Variants in VWA3B observed in about 807,000 individuals in gnomAD.
VWA3B encodes the protein von Willebrand factor A domain containing 3B, also known as von Willebrand factor A domain-containing protein 3B.
Under a neutral mutation model 158.3 loss-of-function variants are expected in VWA3B, and 138 were observed. The observed-to-expected ratio is 0.87, with a 90% CI of 0.76 to 1.00. The LOEUF (loss-of-function observed/expected upper bound fraction) is 1.00, where lower values mean the gene tolerates loss of function less well. Ranked by LOEUF, VWA3B falls within the 50% of genes least tolerant of loss-of-function variation. VWA3B has a pLI of 0.00. For synonymous variants in VWA3B, 596 were observed against 587.3 expected (o/e 1.01, Z -0.21); for missense variants, 1,555 against 1,565.1 (o/e 0.99, Z 0.11).
chr2:98,295,186 G>A (rs965932972), intron 23 of VWA3B, among the ~76,000 whole-genome samples: 1 of 152,090 alleles, frequency 6.6e-6, no homozygotes, highest in Non-Finnish European at 1.5e-5. Context: ...TGACACTGCC[G>A]AGGAGTGGGC....
intron 12 of VWA3B, among the ~76,000 whole-genome samples, chr2:98,194,735 C>T (rs1574046840): frequency 6.6e-6 from 1 of 152,274 alleles, no homozygotes; most frequent in East Asian, 1.9e-4. Context: ...CAGCTCTGCC[C>T]TTGGCTCAGG....
the VWA3B span, among the ~76,000 whole-genome samples, chr2:98,325,509 T>C: frequency 6.6e-6 from 1 of 152,188 alleles, no homozygotes; most frequent in Admixed American, 6.5e-5. Flanking sequence ...ATCAGAAGAA[T>C]TGCACTGTAA....
intron 13 of VWA3B, 21 bp from the exon 14 acceptor site, chr2:98,217,825 C>A: frequency 6.4e-7 from 1 of 1,559,652 alleles, no homozygotes; most frequent in Non-Finnish European, 8.6e-7. Context: ...CTTCCCCCAT[C>A]CCCAAAACTT....
At chr2:98,139,012 C>T (rs1026418198) in intron 7 of VWA3B, among the ~76,000 whole-genome samples, 9 of 152,184 alleles carry the variant, frequency 5.9e-5, no homozygotes, top group South Asian at 4.1e-4. Context: ...GGGAGAGGCA[C>T]GAGCGGGAGC....
intron 7 of VWA3B, among the ~76,000 whole-genome samples, chr2:98,134,452 G>A (rs1676111693): frequency 6.6e-6 from 1 of 152,224 alleles, no homozygotes; most frequent in African/African-American, 2.4e-5. Context: ...AGAACTTAAT[G>A]AGCACAGAGA....
chr2:98,214,176 G>T lies in VWA3B; in HGVS notation c.1836+2148G>T, dbSNP rs549129614. Reference sequence around the variant, plus strand: ...ACTGCACTCCAGCCTGGGCAACAGAGCGAGTCCCTGTCTCTAAGAAAAAAA... The same window carrying T: ...ACTGCACTCCAGCCTGGGCAACAGATCGAGTCCCTGTCTCTAAGAAAAAAA... On this transcript the variant is annotated intron_variant, in intron 13 of 27. Transcript: ENST00000477737. Among the ~76,000 whole-genome samples the T allele has an allele frequency of 4.6e-5, 7 of 151,212 alleles. No homozygotes were observed. In the East Asian group the frequency reaches 1.4e-3, roughly 29 times the overall value.
chr2:98,195,458 A>G (rs1419364615), intron 12 of VWA3B, among the ~76,000 whole-genome samples: 30 of 152,228 alleles, frequency 2.0e-4, no homozygotes, highest in South Asian at 4.1e-4. Context: ...TCTATAAGAA[A>G]TAATAATGCC....
chr2:98,149,716 C>T (rs1245980508), intron 7 of VWA3B, among the ~76,000 whole-genome samples: 1 of 152,148 alleles, frequency 6.6e-6, no homozygotes, highest in Non-Finnish European at 1.5e-5. Flanking sequence ...TTGGGGTTTC[C>T]TTTTGATTTA....
chr2:98,145,734 T>A (rs951086794), intron 7 of VWA3B, among the ~76,000 whole-genome samples: 1 of 152,130 alleles, frequency 6.6e-6, no homozygotes, highest in African/African-American at 2.4e-5. Flanking sequence ...AGTGTTTTTT[T>A]TTTGAGACAG....
At position 98,093,186 on chromosome 2, in the gene VWA3B, A is replaced by C. The variant is rs1310932548; in HGVS notation, c.94A>C (p.Ser32Arg). 6.2e-7 allele frequency: 1 copy of C among 1,614,204 alleles called. No individual in the cohort carries two copies. Among genetic ancestry groups the C allele is most frequent in the Non-Finnish European group, 8.5e-7 (1 of 1,180,030 alleles). The change falls in exon 2 of 28, where the codon AGT becomes CGT. Residue 32 changes from serine to arginine, a missense_variant. Transcript: ENST00000477737. The stretch of plus-strand genomic sequence containing the variant: ...CACCAAAACAGACTTGGCTGAGCAG[A>C]GTCTCATTTCATCTGAGAAATGGCT... The part of the protein sequence containing the change: ...INTKTDLAEQ[S>R]LISSEKWLQL...
At chr2:98,259,389 T>C (rs965738788) in intron 21 of VWA3B, among the ~76,000 whole-genome samples, 20 of 151,840 alleles carry the variant, frequency 1.3e-4, no homozygotes, top group Non-Finnish European at 1.9e-4. Context: ...AATTTCCCTT[T>C]GTTGGGGGAT....
rs1488497930 is a variant in VWA3B at position 98,093,099 on chromosome 2, A to G, written c.7A>G (p.Lys3Glu). The G allele has an allele frequency of 1.2e-6, 2 of 1,613,302 alleles. No individual in the cohort carries two copies. The highest frequency in any genetic ancestry group is 1.7e-6 in the Non-Finnish European group (2 of 1,179,462). MEKSGPSSTISEQ... is the reference protein window; with the variant it reads MEESGPSSTISEQ... Reference sequence around the variant, plus strand: ...CTTAGATCTTGATTCAGAGATGGAGAAATCAGGCCCATCTTCTACCATCTC... The same window carrying G: ...CTTAGATCTTGATTCAGAGATGGAGGAATCAGGCCCATCTTCTACCATCTC... The change falls in exon 2 of 28, where the codon AAA becomes GAA. Residue 3 changes from lysine to glutamate, a missense_variant. Coordinates refer to ENST00000477737, the MANE Select transcript of VWA3B (RefSeq NM_144992.5).
Position 98,200,500 on chromosome 2 carries a change from G to A in VWA3B, c.1737+6008G>A, listed in dbSNP as rs569368613. Reference sequence around the variant, plus strand: ...GGAGATTGCAGTGAGCTGAGACGACGCCACTGCACTCCAGCCTAGGTGATA... The same window carrying A: ...GGAGATTGCAGTGAGCTGAGACGACACCACTGCACTCCAGCCTAGGTGATA... On this transcript the variant is annotated intron_variant, in intron 12 of 27. Transcript: ENST00000477737. 1.2e-4 allele frequency among the ~76,000 whole-genome samples: 17 copies of A among 142,370 alleles called. No individual in the cohort carries two copies. The South Asian group carries it at 3.4e-3, about 28-fold the overall frequency. 93.4% of individuals were successfully genotyped at this position (142,370 alleles called of 152,430 possible).
At chr2:98,271,455 T>G (rs866916775) in intron 22 of VWA3B, among the ~76,000 whole-genome samples, 1 of 152,194 alleles carries the variant, frequency 6.6e-6, no homozygotes, top group East Asian at 1.9e-4. Context: ...TCCTTTTAGT[T>G]TTTTTTCTCC....
the VWA3B span, among the ~76,000 whole-genome samples, chr2:98,329,119 A>G: frequency 6.6e-6 from 1 of 152,248 alleles, no homozygotes; most frequent in Non-Finnish European, 1.5e-5. Flanking sequence ...TAATTAGAAA[A>G]ACTGGATATT....
chr2:98,276,219 C>G (rs986994313), intron 22 of VWA3B, among the ~76,000 whole-genome samples: 1 of 152,162 alleles, frequency 6.6e-6, no homozygotes, highest in African/African-American at 2.4e-5. Context: ...TGTTTTCTTG[C>G]AATGATACTT....
At chr2:98,175,659 TG>T (rs1407535577) in intron 8 of VWA3B, among the ~76,000 whole-genome samples, 7 of 152,168 alleles carry the variant, frequency 4.6e-5, no homozygotes, top group Admixed American at 4.6e-4. Context: ...TATTTGAAGA[TG>T]TAAGGGCTGG....
chr2:98,300,301 G>A, intron 25 of VWA3B, 85 bp downstream of exon 25: 1 of 1,576,282 alleles, frequency 6.3e-7, no homozygotes, highest in Non-Finnish European at 8.6e-7. Context: ...TTGATGAATG[G>A]TTTCCCTGGC....
At chr2:98,289,857 T>C (rs1689383006) in intron 22 of VWA3B, among the ~76,000 whole-genome samples, 1 of 152,240 alleles carries the variant, frequency 6.6e-6, no homozygotes, top group Non-Finnish European at 1.5e-5. Flanking sequence ...TTTATTTTCC[T>C]TTTCTTCAAC....
Sources: gnomAD v4.1 joint callset for allele counts (sites outside exome capture counted in the v4.1 genomes callset) on GRCh38, gnomAD v4.1.1 for gene constraint, MANE v1.5 for transcripts, NCBI Gene and HGNC (gene_info 2026-07-23, HGNC 2026-07-21) for gene names.